Variants in PIP5K1A observed in about 807,000 individuals in gnomAD.
The protein encoded by PIP5K1A is phosphatidylinositol-4-phosphate 5-kinase type 1 alpha.
A neutral mutation model predicts 72.9 loss-of-function variants in PIP5K1A; 46 were observed. The ratio of observed to expected loss-of-function variants is 0.63; its 90% CI spans 0.50 to 0.81. The LOEUF (loss-of-function observed/expected upper bound fraction) is 0.81, where lower values mean the gene tolerates loss of function less well. Among genes scored for constraint, PIP5K1A ranks in the 30% least tolerant of loss-of-function variants. PIP5K1A has a pLI of 0.00. For synonymous variants in PIP5K1A, 228 were observed against 255.1 expected (o/e 0.89, Z 1.01); for missense variants, 458 against 706.1 (o/e 0.65, Z 3.98).
chr1:151,206,599 T>C (rs933397255), intron 1 of PIP5K1A, among the ~76,000 whole-genome samples: 5 of 152,214 alleles, frequency 3.3e-5, no homozygotes, highest in African/African-American at 1.2e-4. Flanking sequence ...GGAGTTTCAC[T>C]CTTTTGCCCA....
At chr1:151,241,475 G>T (rs967953234) in intron 12 of PIP5K1A, among the ~76,000 whole-genome samples, 1 of 151,784 alleles carries the variant, frequency 6.6e-6, no homozygotes, top group Non-Finnish European at 1.5e-5. Context: ...CTGCACTCCA[G>T]CCTGGGCGAC....
At position 151,232,576 on chromosome 1, in the gene PIP5K1A, T is replaced by C; in HGVS notation, c.512T>C (p.Ile171Thr). Residue 171 changes from isoleucine to threonine, a missense_variant, in exon 7 of 16, where the codon ATT (isoleucine) becomes ACT (threonine). Transcript: ENST00000368888. The part of the protein sequence containing the change: ...YLYSLCSEPL[I>T]ELCSSGASGS... ...TATTCCCTCTGCAGTGAGCCGCTGA[T>C]TGAACTCTGTAGCTCTGGAGCTAGT... 2 of 1,607,242 alleles carry C rather than the reference T, an allele frequency of 1.2e-6. No individual in the cohort carries two copies.
At position 151,236,550 on chromosome 1, in the gene PIP5K1A, T is replaced by A; in HGVS notation, c.940-8T>A. On this transcript the variant is annotated splice_region_variant and splice_polypyrimidine_tract_variant and intron_variant, in intron 8 of 15. Coordinates refer to ENST00000368888, the MANE Select transcript of PIP5K1A (RefSeq NM_001135638.2). ...AAGGCTCAGATCATGTTTTTTTCCT[T>A]CCATTAGGTGCTGCAGAGCTTCAAG... The A allele has an allele frequency of 6.4e-7, 1 of 1,557,098 alleles. No homozygotes were observed. Among genetic ancestry groups the A allele is most frequent in the South Asian group, 1.1e-5 (1 of 89,116 alleles).
chr1:151,227,409 G>A lies in PIP5K1A; in HGVS notation c.237+9G>A, dbSNP rs1411461085. 6.3e-7 allele frequency: 1 copy of A among 1,588,522 alleles called. No homozygotes were observed. The highest frequency in any genetic ancestry group is 1.1e-5 in the South Asian group (1 of 90,328). On this transcript the variant is annotated intron_variant, in intron 4 of 15. Transcript: ENST00000368888. Reference sequence around the variant, plus strand: ...AGACAACATATAAAAAGGTGTGTCTGGATGAAACCGTCTCATCTTACTCCA... The same window carrying A: ...AGACAACATATAAAAAGGTGTGTCTAGATGAAACCGTCTCATCTTACTCCA...
At chr1:151,212,171 T>C (rs1376680577) in intron 1 of PIP5K1A, among the ~76,000 whole-genome samples, 1 of 152,028 alleles carries the variant, frequency 6.6e-6, no homozygotes, top group Non-Finnish European at 1.5e-5. Flanking sequence ...AACATCTTTG[T>C]GGCTGGTGCG....
chr1:151,213,223 T>G (rs1256225169), intron 1 of PIP5K1A, among the ~76,000 whole-genome samples: 2 of 152,076 alleles, frequency 1.3e-5, no homozygotes, highest in Admixed American at 6.6e-5. Flanking sequence ...TGTATTTTTT[T>G]GGGGTACTGC....
chr1:151,244,390 C>CGA (rs1692195254), intron 14 of PIP5K1A, among the ~76,000 whole-genome samples: 2 of 152,198 alleles, frequency 1.3e-5, no homozygotes, highest in Admixed American at 1.3e-4. Context: ...TGATGGCTCA[C>CGA]GCCTGTAATC....
chr1:151,215,679 T>C (rs1687489497), intron 1 of PIP5K1A, among the ~76,000 whole-genome samples: 3 of 152,260 alleles, frequency 2.0e-5, no homozygotes, highest in African/African-American at 7.2e-5. Context: ...ATACCTGAAA[T>C]GTTTTGCTGT....
At chr1:151,204,799 C>T (rs587661422) in intron 1 of PIP5K1A, among the ~76,000 whole-genome samples, 6 of 152,214 alleles carry the variant, frequency 3.9e-5, no homozygotes, top group South Asian at 2.1e-4. Context: ...TGCTTCTGAT[C>T]GATTTATTTC....
chr1:151,197,284 GTTTT>G (rs1476938061), upstream of PIP5K1A, among the ~76,000 whole-genome samples: 1 of 150,672 alleles, frequency 6.6e-6, no homozygotes, highest in African/African-American at 2.4e-5. Context: ...TTGTTTGTTT[GTTTT>G]GTTTTGTTTT....
At chr1:151,217,123 G>C (rs1317356793) in intron 1 of PIP5K1A, among the ~76,000 whole-genome samples, 4 of 152,160 alleles carry the variant, frequency 2.6e-5, no homozygotes, top group Non-Finnish European at 5.9e-5. Flanking sequence ...ACGTTGGCCA[G>C]GCTGGTCTTG....
chr1:151,206,642 T>G (rs1375196438), intron 1 of PIP5K1A, among the ~76,000 whole-genome samples: 1 of 152,214 alleles, frequency 6.6e-6, no homozygotes, highest in African/African-American at 2.4e-5. Flanking sequence ...CTCAGCTCTC[T>G]GCAACCTCCA....
chr1:151,202,566 G>C (rs1394801605), intron 1 of PIP5K1A, among the ~76,000 whole-genome samples: 2 of 151,906 alleles, frequency 1.3e-5, no homozygotes, highest in East Asian at 3.9e-4. Context: ...TCAGCCTCCC[G>C]GGTTCAAGCG....
intron 12 of PIP5K1A, among the ~76,000 whole-genome samples, chr1:151,241,772 C>T (rs1056898201): frequency 2.0e-5 from 3 of 150,824 alleles, no homozygotes; most frequent in Admixed American, 2.0e-4. Flanking sequence ...TGCACTTCAG[C>T]CTGGGCAACA....
chr1:151,225,640 T>C (rs1309141768), intron 3 of PIP5K1A, among the ~76,000 whole-genome samples: 3 of 151,776 alleles, frequency 2.0e-5, no homozygotes, highest in Non-Finnish European at 4.4e-5. Context: ...CGCCTAATTT[T>C]TGTATTTTTA....
upstream of PIP5K1A, among the ~76,000 whole-genome samples, chr1:151,197,784 C>G (rs776244938): frequency 6.6e-5 from 10 of 152,224 alleles, no homozygotes; most frequent in Admixed American, 4.6e-4. Flanking sequence ...AGAAGTTTTA[C>G]AGTCTGCTCA....
At chr1:151,220,246 T>G (rs1004575902) in intron 1 of PIP5K1A, among the ~76,000 whole-genome samples, 4 of 152,082 alleles carry the variant, frequency 2.6e-5, no homozygotes, top group African/African-American at 9.7e-5. Flanking sequence ...CCCTGTGATA[T>G]GCCCACCTTG....
At chr1:151,223,320 A>G (rs1339868564) in intron 1 of PIP5K1A, among the ~76,000 whole-genome samples, 1 of 142,096 alleles carries the variant, frequency 7.0e-6, no homozygotes, top group Non-Finnish European at 1.5e-5. Flanking sequence ...GTTGCACTCC[A>G]GCCTCGGTGA....
intron 1 of PIP5K1A, among the ~76,000 whole-genome samples, chr1:151,205,290 C>T (rs1273815627): frequency 6.6e-6 from 1 of 152,160 alleles, no homozygotes; most frequent in Non-Finnish European, 1.5e-5. Context: ...ATTCTCCTGC[C>T]TCAGCCTCCT....
Sources: allele counts gnomAD v4.1 joint callset (sites outside exome capture counted in the v4.1 genomes callset), GRCh38; gene constraint gnomAD v4.1.1; transcripts MANE v1.5; gene names NCBI Gene and HGNC (gene_info 2026-07-23, HGNC 2026-07-21).